Variants in NIPBL observed in about 807,000 individuals in gnomAD.
NIPBL encodes NIPBL cohesin loading factor, also known as nipped-B-like protein.
NIPBL carries 19 observed loss-of-function variants against 321.8 expected under a neutral mutation model. The ratio of observed to expected loss-of-function variants is 0.06; its 90% confidence interval spans 0.04 to 0.09. The LOEUF is 0.09. Ranked by LOEUF, NIPBL falls within the 10% of genes least tolerant of loss-of-function variation. The pLI is 1.00. For synonymous variants in NIPBL, 1,106 were observed against 1,114.1 expected (o/e 0.99, Z 0.14); for missense variants, 2,210 against 3,327.0 (o/e 0.66, Z 8.26).
intron 10 of NIPBL, among the ~76,000 whole-genome samples, chr5:36,993,731 T>C (rs114668055): frequency 0.022 from 3,352 of 152,092 alleles, 128 homozygotes; most frequent in African/African-American, 0.078. Flanking sequence ...TTTATAAACC[T>C]ATGAAGATTA....
At chr5:36,947,683 A>AT (rs1025879511) in intron 1 of NIPBL, among the ~76,000 whole-genome samples, 1 of 151,926 alleles carries the variant, frequency 6.6e-6, no homozygotes, top group African/African-American at 2.4e-5. Context: ...AGACTTACTA[A>AT]TTTTTTTATT....
chr5:36,944,176 A>T (rs1399891793), intron 1 of NIPBL, among the ~76,000 whole-genome samples: 1 of 152,090 alleles, frequency 6.6e-6, no homozygotes, highest in Admixed American at 6.6e-5. Context: ...TTGCATATAT[A>T]TGTTTTATGC....
rs191145060 is a variant in NIPBL at position 37,037,261 on chromosome 5, G to A, written c.5971+774G>A. 7.3e-3 allele frequency among the ~76,000 whole-genome samples: 1,111 copies of A among 151,430 alleles called. 8 individuals are homozygous for A. The highest frequency in any genetic ancestry group is 0.023 in the African/African-American group (940 of 41,384). On this transcript the variant is annotated intron_variant, in intron 33 of 46. Coordinates refer to ENST00000282516, the MANE Select transcript of NIPBL (RefSeq NM_133433.4). ...AAATTAACCAGGCATGGTTTTGGGC[G>A]CCTGTAGTCCCAGCTACTTGGGAGG...
At chr5:37,001,176 A>G in intron 14 of NIPBL, 98 bp downstream of exon 14, 1 of 805,516 alleles carries the variant, frequency 1.2e-6, no homozygotes, top group Non-Finnish European at 2.2e-6. Flanking sequence ...CTACCTTGAA[A>G]TCATATACTG....
At chr5:36,989,239 A>C (rs894626034) in intron 10 of NIPBL, among the ~76,000 whole-genome samples, 1 of 152,148 alleles carries the variant, frequency 6.6e-6, no homozygotes, top group South Asian at 2.1e-4. Context: ...GATCCAAAGA[A>C]AACCTGCTTA....
intron 2 of NIPBL, among the ~76,000 whole-genome samples, chr5:36,954,672 A>G (rs550150495): frequency 6.6e-6 from 1 of 152,254 alleles, no homozygotes; most frequent in Admixed American, 6.5e-5. Context: ...AGCCCTGTTC[A>G]TTAAGTAATA....
Position 36,953,671 on chromosome 5 carries a change from A to T in NIPBL, c.-26A>T. ...TGGCACCTGAACTAAGTACTTTTAT[A>T]GGCAACACCATTCCAGAAATTCAGG... On this transcript the variant is annotated 5_prime_UTR_variant, in exon 2 of 47. Coordinates refer to ENST00000282516, the MANE Select transcript of NIPBL (RefSeq NM_133433.4). The T allele has an allele frequency of 6.2e-7, 1 of 1,606,214 alleles. No individual in the cohort carries two copies. Among genetic ancestry groups the T allele is most frequent in the Non-Finnish European group, 8.5e-7 (1 of 1,172,788 alleles).
At chr5:36,991,260 T>C (rs1292671002) in intron 10 of NIPBL, among the ~76,000 whole-genome samples, 1 of 152,108 alleles carries the variant, frequency 6.6e-6, no homozygotes, top group Non-Finnish European at 1.5e-5. Flanking sequence ...GTTCATTCGC[T>C]TTTAAAATAA....
intron 1 of NIPBL, among the ~76,000 whole-genome samples, chr5:36,924,729 G>C (rs1202016916): frequency 6.6e-6 from 1 of 152,116 alleles, no homozygotes; most frequent in African/African-American, 2.4e-5. Context: ...TATCAACAGT[G>C]ACAGAAAATC....
At position 36,984,667 on chromosome 5, in the gene NIPBL, A is replaced by G. The variant is rs754119799; in HGVS notation, c.1496-9A>G. The G allele has an allele frequency of 6.2e-7, 1 of 1,605,904 alleles. No homozygotes were observed. Among genetic ancestry groups the G allele is most frequent in the African/African-American group, 1.3e-5 (1 of 74,392 alleles). On this transcript the variant is annotated splice_polypyrimidine_tract_variant and intron_variant, in intron 9 of 46. Transcript: ENST00000282516. ...ATTACTGATATTGATATTTATCTTT[A>G]AATTTCAGATAAGCCTTTGAAAAAA... is the stretch of plus-strand genomic sequence containing the variant.
intron 9 of NIPBL, among the ~76,000 whole-genome samples, chr5:36,977,749 G>T (rs1350139593): frequency 2.0e-5 from 3 of 151,606 alleles, no homozygotes; most frequent in Admixed American, 6.6e-5. Flanking sequence ...TTCAACCTTG[G>T]CTTCGTCCCT....
At chr5:37,009,437 AG>A (rs1188917342) in intron 20 of NIPBL, among the ~76,000 whole-genome samples, 1 of 152,226 alleles carries the variant, frequency 6.6e-6, no homozygotes, top group Admixed American at 6.5e-5. Context: ...CGTGGCATAT[AG>A]GATTGTTTTT....
intron 1 of NIPBL, among the ~76,000 whole-genome samples, chr5:36,945,225 T>G (rs1739532162): frequency 6.6e-6 from 1 of 152,118 alleles, no homozygotes. Flanking sequence ...TTTCCTGAGG[T>G]AGTTTGTAGT....
intron 6 of NIPBL, among the ~76,000 whole-genome samples, chr5:36,962,736 A>G (rs758658849): frequency 2.6e-5 from 4 of 152,192 alleles, no homozygotes; most frequent in Admixed American, 6.5e-5. Context: ...ACGTACAGAC[A>G]TGTTTTCTTG....
intron 1 of NIPBL, among the ~76,000 whole-genome samples, chr5:36,930,477 G>A (rs1274336984): frequency 6.6e-6 from 1 of 151,888 alleles, no homozygotes; most frequent in Non-Finnish European, 1.5e-5. Context: ...CTACATACTG[G>A]ACAGTGTCAT....
At chr5:36,928,721 C>T (rs1377724801) in intron 1 of NIPBL, among the ~76,000 whole-genome samples, 1 of 152,116 alleles carries the variant, frequency 6.6e-6, no homozygotes. Context: ...TACTGATCTG[C>T]TCTTTGTTTC....
chr5:37,019,764 A>G (rs190978012), intron 25 of NIPBL, among the ~76,000 whole-genome samples: 401 of 152,342 alleles, frequency 2.6e-3, no homozygotes, highest in African/African-American at 9.3e-3. Flanking sequence ...TTTTATATGT[A>G]TATTTTTAAA....
chr5:37,062,531 G>A (rs187569107), intron 45 of NIPBL, among the ~76,000 whole-genome samples: 1 of 151,782 alleles, frequency 6.6e-6, no homozygotes, highest in East Asian at 1.9e-4. Flanking sequence ...GAGGACAGCT[G>A]TGGTTTCCAG....
chr5:37,039,009 C>T (rs944552266), intron 34 of NIPBL, among the ~76,000 whole-genome samples: 1 of 152,142 alleles, frequency 6.6e-6, no homozygotes, highest in African/African-American at 2.4e-5. Context: ...ATGAATGAAG[C>T]AGAGTTCCTC....
Sources: allele counts gnomAD v4.1 joint callset (sites outside exome capture counted in the v4.1 genomes callset), GRCh38; gene constraint gnomAD v4.1.1; transcripts MANE v1.5; gene names NCBI Gene and HGNC (gene_info 2026-07-23, HGNC 2026-07-21).